Variants in DNAH3 observed in about 807,000 individuals in gnomAD.
The protein encoded by DNAH3 is axonemal beta dynein heavy chain 3.
In DNAH3, 332 loss-of-function variants were observed where a neutral mutation model predicts 432.5. That is an observed-to-expected ratio of 0.77 (90% CI 0.70 to 0.84). The LOEUF (loss-of-function observed/expected upper bound fraction) is 0.84, where lower values mean the gene tolerates loss of function less well. Ranked by LOEUF, DNAH3 falls within the 40% of genes least tolerant of loss-of-function variation. DNAH3 has a pLI of 0.00. For synonymous variants in DNAH3, 1,956 were observed against 1,900.2 expected (o/e 1.03, Z -0.76); for missense variants, 4,861 against 5,114.0 (o/e 0.95, Z 1.51).
chr16:21,120,897 C>T, intron 10 of DNAH3: 1 of 1,423,502 alleles, frequency 7.0e-7, no homozygotes, highest in Non-Finnish European at 9.8e-7. Context: ...GTCTTTTCTT[C>T]CATTTCCTTC....
chr16:21,013,226 T>C (rs890104415), intron 41 of DNAH3, among the ~76,000 whole-genome samples: 1 of 152,044 alleles, frequency 6.6e-6, no homozygotes, highest in African/African-American at 2.4e-5. Context: ...GCTGTATCTT[T>C]GAAGGATTAA....
chr16:21,045,141 T>G (rs935843344), intron 31 of DNAH3, among the ~76,000 whole-genome samples: 50 of 151,392 alleles, frequency 3.3e-4, no homozygotes, highest in African/African-American at 1.2e-3. Context: ...TTCTCTTTTT[T>G]TGTTGTGTCT....
rs2089879866 is a variant in DNAH3, at chr16:21,049,896, T to C, written c.4347+14A>G. ...GCCTGGAAGAGAGGGAGGGGATAGA[T>C]GGCATTTGCTTACCTGCTTAGCCAA... is the stretch of plus-strand genomic sequence containing the variant. On this transcript the variant is annotated intron_variant, in intron 30 of 61. Transcript: ENST00000261383. 6.2e-7 allele frequency: 1 copy of C among 1,601,882 alleles called. No individual in the cohort carries two copies.
intron 21 of DNAH3, among the ~76,000 whole-genome samples, chr16:21,072,443 C>G (rs938407621): frequency 1.1e-4 from 17 of 152,088 alleles, no homozygotes; most frequent in African/African-American, 4.1e-4. Flanking sequence ...TCTCCTGCCT[C>G]AGCCTCCTGC....
chr16:21,097,707 T>C (rs1465070279), intron 17 of DNAH3, among the ~76,000 whole-genome samples: 4 of 152,298 alleles, frequency 2.6e-5, no homozygotes, highest in Middle Eastern at 3.4e-3. Context: ...GTCTGTCTGG[T>C]TGAAACTGTA....
chr16:21,083,822 T>C (rs2091274510), intron 19 of DNAH3, among the ~76,000 whole-genome samples: 1 of 152,004 alleles, frequency 6.6e-6, no homozygotes, highest in African/African-American at 2.4e-5. Context: ...GTGACCTACA[T>C]ACACTGCAGG....
chr16:21,146,538 T>C (rs900056213), intron 1 of DNAH3, among the ~76,000 whole-genome samples: 6 of 152,202 alleles, frequency 3.9e-5, no homozygotes, highest in Admixed American at 2.0e-4. Flanking sequence ...GAAGTGTATA[T>C]ACATTATAGA....
At chr16:20,963,577 A>G in exon 53 of DNAH3, 1 of 1,614,072 alleles carries the variant, frequency 6.2e-7, no homozygotes, top group Non-Finnish European at 8.5e-7. Context: ...CAAATGCTCC[A>G]TCAGGCCATG....
chr16:21,135,576 C>G (rs1188470741), intron 6 of DNAH3, among the ~76,000 whole-genome samples: 1 of 152,032 alleles, frequency 6.6e-6, no homozygotes, highest in Non-Finnish European at 1.5e-5. Flanking sequence ...GCCTGTAGTC[C>G]CAGCTACTCA....
At chr16:20,968,340 A>G (rs1451747204) in intron 52 of DNAH3, among the ~76,000 whole-genome samples, 1 of 152,178 alleles carries the variant, frequency 6.6e-6, no homozygotes, top group Non-Finnish European at 1.5e-5. Context: ...AAGTGCTGGG[A>G]TTACAGGTGT....
chr16:21,073,511 A>G (rs1567743334), intron 21 of DNAH3, among the ~76,000 whole-genome samples: 2 of 145,964 alleles, frequency 1.4e-5, no homozygotes, highest in South Asian at 4.3e-4. Flanking sequence ...TCATCAGATC[A>G]TGTATAGTTC....
At chr16:21,089,061 G>A (rs2091459927) in intron 18 of DNAH3, among the ~76,000 whole-genome samples, 1 of 152,196 alleles carries the variant, frequency 6.6e-6, no homozygotes, top group South Asian at 2.1e-4. Context: ...ATTCACAGTA[G>A]TTTTCCAAGT....
intron 8 of DNAH3, among the ~76,000 whole-genome samples, chr16:21,127,278 C>T (rs560778650): frequency 6.6e-6 from 1 of 151,850 alleles, no homozygotes; most frequent in East Asian, 1.9e-4. Flanking sequence ...CGAGGCCAGG[C>T]GCGGTGGCTC....
chr16:20,968,821 G>A (rs2085181113), intron 52 of DNAH3, among the ~76,000 whole-genome samples: 1 of 150,418 alleles, frequency 6.6e-6, no homozygotes, highest in Non-Finnish European at 1.5e-5. Context: ...GTCTTCGTGT[G>A]AGTGTTTTTT....
At chr16:21,159,430 T>G (rs1450405247) in exon 1 of DNAH3, 2 of 1,613,942 alleles carry the variant, frequency 1.2e-6, no homozygotes, top group Non-Finnish European at 1.7e-6. Context: ...CGAGGCGCCC[T>G]GTAGCTCCCA....
At chr16:20,989,991 G>A (rs370728034) in intron 44 of DNAH3, among the ~76,000 whole-genome samples, 2 of 152,216 alleles carry the variant, frequency 1.3e-5, no homozygotes, top group Non-Finnish European at 2.9e-5. Flanking sequence ...TGCAAGCGCC[G>A]CGCGCAGCCC....
chr16:20,994,363 G>A (rs1036869516), intron 44 of DNAH3, among the ~76,000 whole-genome samples: 2 of 152,120 alleles, frequency 1.3e-5, no homozygotes, highest in African/African-American at 2.4e-5. Flanking sequence ...ACCCGGAGGC[G>A]GAGGTTGCAG....
At chr16:20,983,241 T>A (rs1290667981) in intron 48 of DNAH3, among the ~76,000 whole-genome samples, 2 of 152,186 alleles carry the variant, frequency 1.3e-5, no homozygotes, top group African/African-American at 4.8e-5. Flanking sequence ...TTCTCCTGCC[T>A]CAGCTTCCTG....
chr16:20,948,532 G>T, exon 57 of DNAH3: 1 of 1,614,062 alleles, frequency 6.2e-7, no homozygotes, highest in Non-Finnish European at 8.5e-7. Context: ...AGGAGCGAGG[G>T]AGTAATAGTC....
Sources: gnomAD v4.1 joint callset for allele counts (sites outside exome capture counted in the v4.1 genomes callset) on GRCh38, gnomAD v4.1.1 for gene constraint, MANE v1.5 for transcripts, NCBI Gene and HGNC (gene_info 2026-07-23, HGNC 2026-07-21) for gene names.